The following IP6K3 variants were observed in gnomAD, a reference collection of about 807,000 sequenced individuals.
IP6K3 encodes ATP:1D-myo-inositol-hexakisphosphate phosphotransferase.
In IP6K3, 20 loss-of-function variants were observed where a neutral mutation model predicts 28.8. The observed-to-expected ratio is 0.70, with a 90% CI of 0.49 to 1.01. IP6K3 has a LOEUF of 1.01. IP6K3 is among the 50% of genes least tolerant of loss of function. IP6K3 has a pLI of 0.00. For synonymous variants in IP6K3, 213 were observed against 221.3 expected, an observed-to-expected ratio of 0.96 and a Z score of 0.33; for missense variants, 480 against 537.1, an observed-to-expected ratio of 0.89 and a Z score of 1.05.
At chr6:33,724,629 A>G (rs1219362345) in intron 5 of IP6K3, among the ~76,000 whole-genome samples, 1 of 152,184 alleles carries the variant, frequency 6.6e-6, no homozygotes, top group African/African-American at 2.4e-5. Flanking sequence ...GGTAGCAAAA[A>G]GGAGCAGAAA....
chr6:33,761,964 A>G, the IP6K3 span, among the ~76,000 whole-genome samples: 386 of 152,258 alleles, frequency 2.5e-3, 4 homozygotes, highest in African/African-American at 8.6e-3. Flanking sequence ...AAGGGGAAGA[A>G]GATCTCAGCC....
At chr6:33,755,072 C>T in the IP6K3 span, among the ~76,000 whole-genome samples, 1 of 152,226 alleles carries the variant, frequency 6.6e-6, no homozygotes, top group African/African-American at 2.4e-5. Flanking sequence ...ATAGTGAGAC[C>T]TGGCCACAGG....
chr6:33,742,524 C>T lies in IP6K3; in HGVS notation c.-180+4234G>A, dbSNP rs998419115. ...CTTGGCAGCGTGGATTCTTAGGGCC[C>T]TGGGTGAGGGCTCCCACCCGGGGGG... On this transcript the variant is annotated intron_variant, in intron 1 of 5. Coordinates refer to ENST00000293756, the MANE Select transcript of IP6K3 (RefSeq NM_054111.5). The surrounding 1 kb of genome is among the most constrained non-coding windows in gnomAD (Gnocchi z 4.5). Among the ~76,000 whole-genome samples the T allele has an allele frequency of 1.3e-5, 2 of 152,096 alleles. No homozygotes were observed. Among genetic ancestry groups the T allele is most frequent in the South Asian group, 2.1e-4 (1 of 4,828 alleles).
chr6:33,748,674 CGTGATGGGGAGGCT>C (rs1177346877), upstream of IP6K3, among the ~76,000 whole-genome samples: 1 of 148,572 alleles, frequency 6.7e-6, no homozygotes, highest in Non-Finnish European at 1.5e-5. Flanking sequence ...AAAAGCCTCC[CGTGATGGGGAGGCT>C]GCAGCCTGTG....
At chr6:33,761,832 C>T in the IP6K3 span, among the ~76,000 whole-genome samples, 1 of 152,090 alleles carries the variant, frequency 6.6e-6, no homozygotes, top group Non-Finnish European at 1.5e-5. Flanking sequence ...CCCTGGCCTT[C>T]CCAGGGCCCA....
At chr6:33,761,845 C>G in the IP6K3 span, among the ~76,000 whole-genome samples, 1 of 152,074 alleles carries the variant, frequency 6.6e-6, no homozygotes, top group African/African-American at 2.4e-5. Flanking sequence ...AGGGCCCAGT[C>G]TCCTCATCCT....
the IP6K3 span, among the ~76,000 whole-genome samples, chr6:33,754,289 T>G: frequency 1.3e-5 from 2 of 151,870 alleles, no homozygotes; most frequent in African/African-American, 4.8e-5. Flanking sequence ...GAGGATTAAC[T>G]TGGGGAATGG....
chr6:33,752,450 G>T, the IP6K3 span, among the ~76,000 whole-genome samples: 17 of 152,248 alleles, frequency 1.1e-4, 1 homozygote, highest in Admixed American at 5.2e-4. Flanking sequence ...GCCTGAGCCT[G>T]CCACTCTTGT....
chr6:33,757,664 A>G, the IP6K3 span, among the ~76,000 whole-genome samples: 1 of 152,182 alleles, frequency 6.6e-6, no homozygotes, highest in Non-Finnish European at 1.5e-5. Context: ...CTTCCAGTTA[A>G]TCCCCACCGT....
chr6:33,725,752 A>C, intron 4 of IP6K3, 136 bp from the exon 5 acceptor site: 2 of 652,316 alleles, frequency 3.1e-6, no homozygotes, highest in Non-Finnish European at 5.1e-6. Flanking sequence ...CCTTCCTTAC[A>C]GACAAGCTCA....
At chr6:33,732,160 C>G (rs1277446471) in intron 2 of IP6K3, among the ~76,000 whole-genome samples, 1 of 152,238 alleles carries the variant, frequency 6.6e-6, no homozygotes, top group Non-Finnish European at 1.5e-5. Flanking sequence ...TGGCCGGCAG[C>G]CTGGCAGGAG....
chr6:33,723,817 G>T (rs1292133491), intron 5 of IP6K3, among the ~76,000 whole-genome samples: 2 of 152,208 alleles, frequency 1.3e-5, no homozygotes, highest in African/African-American at 4.8e-5. Flanking sequence ...AGCTCTGTGG[G>T]GCTGGTGGCT....
In IP6K3 at chr6:33,722,837, A is replaced by G; in HGVS notation, c.1116T>C (p.His372=). The change falls in exon 6 of 6, where the codon CAT becomes CAC. Residue 372 remains histidine, a synonymous_variant. Transcript: ENST00000293756. The part of the protein sequence containing the change: ...KVDIRMIDFA[H]TTYKGYWNEH... ...CATTCCAGTAGCCCTTGTATGTGGT[A>G]TGAGCAAAGTCAATCATGCGGATGT... 1.2e-6 allele frequency: 2 copies of G among 1,613,492 alleles called. No individual in the cohort carries two copies. The highest frequency in any genetic ancestry group is 8.5e-7 in the Non-Finnish European group (1 of 1,179,382).
Position 33,722,701 on chromosome 6 carries a change from C to G in IP6K3, c.*19G>C. The G allele has an allele frequency of 1.3e-6, 2 of 1,538,886 alleles. No individual in the cohort carries two copies. Among genetic ancestry groups the G allele is most frequent in the South Asian group, 1.2e-5 (1 of 83,676 alleles). ...TTGAGATCTATAGCCCAGAAGAATCCAGATAAGCCCAGGAAGTTTCATTCT... is the reference window on the plus strand; with the variant it reads ...TTGAGATCTATAGCCCAGAAGAATCGAGATAAGCCCAGGAAGTTTCATTCT... On this transcript the variant is annotated 3_prime_UTR_variant, in exon 6 of 6. Transcript: ENST00000293756.
In IP6K3 at chr6:33,722,604, G is replaced by C; in HGVS notation, c.*116C>G. The C allele has an allele frequency of 2.9e-6, 2 of 692,722 alleles. No individual in the cohort carries two copies. Among genetic ancestry groups the C allele is most frequent in the East Asian group, 5.0e-5 (2 of 39,712 alleles). The allele number at this position is 692,722 out of a possible 1,614,324, so 42.9% of individuals were successfully genotyped here. A position where few individuals can be genotyped will look rare whatever the true frequency, so the allele number is the denominator to read the frequency against. ...TCTGCCATATATAGAGATGGTTTTT[G>C]AAGGTAGATAGGACTATTATGAAGA... On this transcript the variant is annotated 3_prime_UTR_variant, in exon 6 of 6. Coordinates refer to ENST00000293756, the MANE Select transcript of IP6K3 (RefSeq NM_054111.5).
At chr6:33,727,885 G>A (rs1766175178) in intron 3 of IP6K3, 17 of 985,386 alleles carry the variant, frequency 1.7e-5, no homozygotes, top group Non-Finnish European at 1.6e-5. Context: ...AAAATGCATC[G>A]TAATCCTCCC....
At chr6:33,752,126 C>A in the IP6K3 span, among the ~76,000 whole-genome samples, 1 of 152,216 alleles carries the variant, frequency 6.6e-6, no homozygotes, top group Admixed American at 6.5e-5. Flanking sequence ...TTCTTGTGGA[C>A]TTTTAATCCA....
At chr6:33,736,877 G>A (rs554411592) in intron 1 of IP6K3, among the ~76,000 whole-genome samples, 79 of 152,276 alleles carry the variant, frequency 5.2e-4, no homozygotes, top group African/African-American at 1.8e-3. Context: ...TGGAGTTAGG[G>A]ACATGGTTGA....
rs951890705 is a variant in IP6K3, at chr6:33,722,382, C to T, written c.*338G>A. On this transcript the variant is annotated 3_prime_UTR_variant, in exon 6 of 6. Transcript: ENST00000293756. ...GCTTGTGCGGACTGCAGCATGGCAACGAGTAAACATTTTTAGATGCAAATA... is the reference window on the plus strand; with the variant it reads ...GCTTGTGCGGACTGCAGCATGGCAATGAGTAAACATTTTTAGATGCAAATA... 3.1e-5 allele frequency: 6 copies of T among 193,794 alleles called. No homozygotes were observed. The highest frequency in any genetic ancestry group is 5.4e-5 in the Non-Finnish European group (5 of 93,146). 12.0% of individuals were successfully genotyped at this position (193,794 alleles called of 1,614,324 possible).
Sources: gnomAD v4.1 joint callset for allele counts (sites outside exome capture counted in the v4.1 genomes callset) on GRCh38, gnomAD v4.1.1 for gene constraint, Gnocchi (gnomAD v3.1) non-coding constraint, MANE v1.5 for transcripts, NCBI Gene and HGNC (gene_info 2026-07-23, HGNC 2026-07-21) for gene names.